PCDHA8: variants seen among roughly 807,000 people sequenced by gnomAD.
PCDHA8 encodes protocadherin alpha 8.
Under a neutral mutation model 61.8 loss-of-function variants are expected in PCDHA8, and 53 were observed. That is an observed-to-expected ratio of 0.86 (90% CI 0.69 to 1.08). The LOEUF is 1.08. Ranked by LOEUF, PCDHA8 falls within the 50% of genes least tolerant of loss-of-function variation. The probability of loss-of-function intolerance (pLI) is 0.00; values close to 1 mark genes in which losing one functional copy is unlikely to be tolerated. For synonymous variants in PCDHA8, 618 were observed against 556.6 expected (o/e 1.11, Z -1.55); for missense variants, 1,293 against 1,245.0 (o/e 1.04, Z -0.58).
chr5:140,988,673 A>G (rs2153876025), intron 3 of PCDHA8, among the ~76,000 whole-genome samples: 1 of 152,344 alleles, frequency 6.6e-6, no homozygotes, highest in South Asian at 2.1e-4. Context: ...AGACTCTAAG[A>G]TAATTCTTTC....
intron 1 of PCDHA8, chr5:140,850,022 A>T (rs2150463810): frequency 4.4e-6 from 7 of 1,596,794 alleles, no homozygotes; most frequent in Non-Finnish European, 6.0e-6. Context: ...GCTACGTGTC[A>T]GTGCACGCGG....
chr5:140,908,904 G>A (rs1467772032), intron 1 of PCDHA8, among the ~76,000 whole-genome samples: 2 of 152,194 alleles, frequency 1.3e-5, no homozygotes, highest in Non-Finnish European at 1.5e-5. Flanking sequence ...AGCCTCTTTC[G>A]TGGTTGTAGG....
At chr5:140,875,735 C>T in intron 1 of PCDHA8, 1 of 1,614,232 alleles carries the variant, frequency 6.2e-7, no homozygotes. Context: ...TTTGTGAATT[C>T]TCGGATCGAC....
Position 140,987,904 on chromosome 5 carries a change from G to T in PCDHA8, c.2542+5341G>T, listed in dbSNP as rs115515462. 1.9e-3 allele frequency among the ~76,000 whole-genome samples: 290 copies of T among 151,852 alleles called. 1 individual carries two copies. The highest frequency in any genetic ancestry group is 7.0e-3 in the African/African-American group (288 of 41,412). On this transcript the variant is annotated intron_variant, in intron 3 of 3. Transcript: ENST00000531613. ...GTTTATGTGCCCTAGTTTTATATGG[G>T]GATTTATATTCTTAATTGTCTCAAG...
intron 3 of PCDHA8, among the ~76,000 whole-genome samples, chr5:141,005,543 A>G (rs2153984572): frequency 6.6e-6 from 1 of 151,530 alleles, no homozygotes; most frequent in South Asian, 2.1e-4. Context: ...CTCTACTAAA[A>G]ATACAAAAAT....
At chr5:140,855,950 C>T in intron 1 of PCDHA8, 1 of 1,363,920 alleles carries the variant, frequency 7.3e-7, no homozygotes, top group Non-Finnish European at 1.0e-6. Flanking sequence ...TCAGCCATTT[C>T]GATAAAAAAT....
chr5:140,910,858 T>C (rs947258615), intron 1 of PCDHA8, among the ~76,000 whole-genome samples: 3 of 152,190 alleles, frequency 2.0e-5, no homozygotes, highest in Non-Finnish European at 4.4e-5. Context: ...CTATGTTCCA[T>C]CCACCATTAT....
chr5:141,008,633 A>G (rs1212403774), intron 3 of PCDHA8, among the ~76,000 whole-genome samples: 1 of 152,212 alleles, frequency 6.6e-6, no homozygotes, highest in African/African-American at 2.4e-5. Context: ...AGTATAATTA[A>G]CAATTTCTTC....
At position 140,848,466 on chromosome 5, in the gene PCDHA8, C is replaced by T. The variant is rs2150410896; in HGVS notation, c.2394+4751C>T. 2.6e-6 allele frequency: 4 copies of T among 1,545,340 alleles called. No homozygotes were observed. In the South Asian group the frequency reaches 3.6e-5, roughly 14 times the overall value. ...TTTCTTCTAATTTGGAGGCAATTTTCACTAATTAGAAGAAGACTGAGTATT... is the reference window on the plus strand; with the variant it reads ...TTTCTTCTAATTTGGAGGCAATTTTTACTAATTAGAAGAAGACTGAGTATT... On this transcript the variant is annotated intron_variant, in intron 1 of 3. Transcript: ENST00000531613.
rs1554138931 is a variant in PCDHA8, at chr5:140,842,268, A to G, written c.947A>G (p.Tyr316Cys). The G allele has an allele frequency of 2.5e-6, 4 of 1,610,534 alleles. No individual in the cohort carries two copies. The change falls in exon 1 of 4, where the codon TAC becomes TGC. Residue 316 changes from tyrosine to cysteine, a missense_variant. Coordinates refer to ENST00000531613, the MANE Select transcript of PCDHA8 (RefSeq NM_018911.3). Reference sequence around the variant, plus strand: ...TTGGATTTTGAACAAGAAAACTTATACAAAATCCTCATTGACGCCACGGAC... The same window carrying G: ...TTGGATTTTGAACAAGAAAACTTATGCAAAATCCTCATTGACGCCACGGAC... ...GNLDFEQENL[Y>C]KILIDATDKG...
chr5:140,982,998 GAAAGAA>G (rs1469608645), intron 3 of PCDHA8, among the ~76,000 whole-genome samples: 10 of 151,726 alleles, frequency 6.6e-5, no homozygotes, highest in Admixed American at 5.2e-4. Context: ...AAGAAGGAAA[GAAAGAA>G]AAAGGAAGGA....
chr5:141,008,607 C>T (rs782227320), intron 3 of PCDHA8, among the ~76,000 whole-genome samples: 33 of 152,196 alleles, frequency 2.2e-4, no homozygotes, highest in Non-Finnish European at 3.8e-4. Flanking sequence ...CCTCTGGAAC[C>T]CCATTAACTT....
At chr5:140,868,231 T>C in intron 1 of PCDHA8, 1 of 152,170 alleles carries the variant, frequency 6.6e-6, no homozygotes, top group East Asian at 1.9e-4. Flanking sequence ...TAAAAACTCA[T>C]CTAGATCAAT....
intron 1 of PCDHA8, among the ~76,000 whole-genome samples, chr5:140,965,009 T>C (rs2153742434): frequency 6.6e-6 from 1 of 152,248 alleles, no homozygotes; most frequent in South Asian, 2.1e-4. Context: ...GGTGTCAGGA[T>C]CACAACCTTG....
chr5:140,979,020 C>T lies in PCDHA8; in HGVS notation c.2453+13C>T. The T allele has an allele frequency of 6.2e-7, 1 of 1,613,708 alleles. No individual in the cohort carries two copies. Among genetic ancestry groups the T allele is most frequent in the Non-Finnish European group, 8.5e-7 (1 of 1,179,840 alleles). On this transcript the variant is annotated intron_variant, in intron 2 of 3. Transcript: ENST00000531613. ...CAGGCATGCACAGGTATGTATTTCC[C>T]TCCTCATTCACTCAGAAGTAACCTT...
At chr5:140,867,456 T>G (rs1035822606) in intron 1 of PCDHA8, 8 of 152,272 alleles carry the variant, frequency 5.3e-5, no homozygotes, top group African/African-American at 1.9e-4. Context: ...AGAGTTCTAG[T>G]GTTATGACAA....
Position 140,845,338 on chromosome 5 carries a change from C to T in PCDHA8, c.2394+1623C>T, listed in dbSNP as rs1446184837. Among the ~76,000 whole-genome samples the T allele has an allele frequency of 1.2e-4, 18 of 149,418 alleles. 2 individuals carry two copies. The highest frequency in any genetic ancestry group is 4.4e-4 in the African/African-American group (18 of 40,812). ...GTATTACTTTAATTACTGAATTCTCCTAAACATTTAATTGACTTTTACAAA... is the reference window on the plus strand; with the variant it reads ...GTATTACTTTAATTACTGAATTCTCTTAAACATTTAATTGACTTTTACAAA... On this transcript the variant is annotated intron_variant, in intron 1 of 3. Coordinates refer to ENST00000531613, the MANE Select transcript of PCDHA8 (RefSeq NM_018911.3).
intron 1 of PCDHA8, chr5:140,881,374 G>A: frequency 3.0e-6 from 3 of 984,938 alleles, no homozygotes; most frequent in Non-Finnish European, 3.6e-6. Flanking sequence ...ATGAATTGCA[G>A]CCGGCGGCGG....
chr5:141,010,226 C>T lies in PCDHA8; in HGVS notation c.*289C>T, dbSNP rs1386050566. ...CGCCGCAAAGGAGAGGCTTCCCAGC[C>T]CCGCCAGTGAGAGGTTGGACTCTCT... On this transcript the variant is annotated 3_prime_UTR_variant, in exon 4 of 4. Transcript: ENST00000531613. 6.4e-7 allele frequency: 1 copy of T among 1,551,824 alleles called. No homozygotes were observed. Among genetic ancestry groups the T allele is most frequent in the Admixed American group, 2.0e-5 (1 of 51,014 alleles).
Sources: gnomAD v4.1 joint callset for allele counts (sites outside exome capture counted in the v4.1 genomes callset) on GRCh38, gnomAD v4.1.1 for gene constraint, MANE v1.5 for transcripts, NCBI Gene and HGNC (gene_info 2026-07-23, HGNC 2026-07-21) for gene names.